ALPK3: variants seen among roughly 807,000 people sequenced by gnomAD.
ALPK3 encodes the protein alpha-protein kinase 3.
Under a neutral mutation model 140.0 loss-of-function variants are expected in ALPK3, and 102 were observed. That is an observed-to-expected ratio of 0.73 (90% CI 0.62 to 0.86). The LOEUF (loss-of-function observed/expected upper bound fraction) is 0.86, where lower values mean the gene tolerates loss of function less well. Ranked by LOEUF, ALPK3 falls within the 40% of genes least tolerant of loss-of-function variation. The pLI is 0.00. For missense variants in ALPK3, 2,254 were observed against 2,208.2 expected, an observed-to-expected ratio of 1.02 and a Z score of -0.42; for synonymous variants, 938 against 898.5, an observed-to-expected ratio of 1.04 and a Z score of -0.79.
rs1014308147 is a variant in ALPK3, at chr15:84,868,867, T to C, written c.*411T>C. 23 of 197,118 alleles carry C rather than the reference T, an allele frequency of 1.2e-4. No individual in the cohort carries two copies. The highest frequency in any genetic ancestry group is 2.0e-4 in the Non-Finnish European group (19 of 94,578). The allele number at this position is 197,118 out of a possible 1,614,324, so 12.2% of individuals were successfully genotyped here. ...GAGTGAGGACATGCAGGCCAACTTT[T>C]ACCCTCCTGCATTTGCCTGGCCCTG... is the stretch of plus-strand genomic sequence containing the variant. On this transcript the variant is annotated 3_prime_UTR_variant, in exon 14 of 14. Coordinates refer to ENST00000258888, the MANE Select transcript of ALPK3 (RefSeq NM_020778.5).
In ALPK3 at chr15:84,868,874, C is replaced by T. The variant is rs139683338; in HGVS notation, c.*418C>T. On this transcript the variant is annotated 3_prime_UTR_variant, in exon 14 of 14. Transcript: ENST00000258888. The stretch of plus-strand genomic sequence containing the variant: ...GACATGCAGGCCAACTTTTACCCTC[C>T]TGCATTTGCCTGGCCCTGATCTCGC... 2 of 195,574 alleles carry T rather than the reference C, an allele frequency of 1.0e-5. No homozygotes were observed. The highest frequency in any genetic ancestry group is 5.3e-5 in the Admixed American group (1 of 19,010). The allele number at this position is 195,574 out of a possible 1,614,324, so 12.1% of individuals were successfully genotyped here.
At chr15:84,847,830 A>C (rs895069270) in intron 5 of ALPK3, among the ~76,000 whole-genome samples, 7 of 152,182 alleles carry the variant, frequency 4.6e-5, no homozygotes, top group African/African-American at 1.7e-4. Flanking sequence ...AGGCTGAGGC[A>C]GGTGGATCAC....
At chr15:84,849,001 G>A (rs984828969) in intron 5 of ALPK3, among the ~76,000 whole-genome samples, 1 of 152,028 alleles carries the variant, frequency 6.6e-6, no homozygotes, top group Non-Finnish European at 1.5e-5. Context: ...AATTAGCCAG[G>A]CATGGTGGTG....
rs774100477 is a variant in ALPK3, at chr15:84,859,847, G to A, written c.4037G>A (p.Cys1346Tyr). Residue 1346 changes from cysteine (C) to tyrosine (Y), a missense_variant, in exon 8 of 14, where the codon TGC (cysteine) becomes TAC (tyrosine). This residue lies in a region of ALPK3 where 2,088 missense variants were observed against 2,022.9 expected (regional missense o/e 1.03). Coordinates refer to ENST00000258888, the MANE Select transcript of ALPK3 (RefSeq NM_020778.5). ...ASPVDCGVYR[C>Y]TIHNEHGSAS... is the part of the protein sequence containing the mutation. ...CCCGTAGACTGCGGTGTGTATCGGT[G>A]CACCATCCACAATGAGCACGGCTCG... 3.1e-6 allele frequency: 5 copies of A among 1,613,948 alleles called. No individual in the cohort carries two copies. Among genetic ancestry groups the A allele is most frequent in the Non-Finnish European group, 4.2e-6 (5 of 1,180,046 alleles).
In ALPK3 at chr15:84,817,571, T is replaced by C; in HGVS notation, c.119T>C (p.Leu40Pro). The change falls in exon 1 of 14, where the codon CTG becomes CCG. Residue 40 changes from leucine to proline, a missense_variant. By Grantham distance (98) the Leu-to-Pro change is moderately conservative. Coordinates refer to ENST00000258888, the MANE Select transcript of ALPK3 (RefSeq NM_020778.5). ...CCCAGCCCAGCCAGCCGGAGCTACCTGCTCAGCGTGCGGCCCGAGACCAGG... is the reference window on the plus strand; with the variant it reads ...CCCAGCCCAGCCAGCCGGAGCTACCCGCTCAGCGTGCGGCCCGAGACCAGG... ...WIPSPASRSY[L>P]LSVRPETSLS... The C allele has an allele frequency of 3.3e-6, 5 of 1,502,436 alleles. No homozygotes were observed. The South Asian group carries it at 6.1e-5, about 18-fold the overall frequency. The allele number at this position is 1,502,436 out of a possible 1,614,324, so 93.1% of individuals were successfully genotyped here.
At position 84,857,266 on chromosome 15, in the gene ALPK3, G is replaced by T; in HGVS notation, c.2528G>T (p.Arg843Leu). Residue 843 changes from arginine (R) to leucine (L), a missense_variant, in exon 6 of 14, where the codon CGG becomes CTG. Physicochemically the swap from Arg to Leu is moderately radical, Grantham distance 102 (BLOSUM62 -2). Around this residue, in one of 3 missense-constraint regions of ALPK3, gnomAD observed 2,088 missense variants for 2,022.9 expected, o/e 1.03. Coordinates refer to ENST00000258888, the MANE Select transcript of ALPK3 (RefSeq NM_020778.5). ...DSPFQCPKEE[R>L]PGGVPCMDQG... ...CCGTTCCAGTGCCCCAAGGAGGAGC[G>T]GCCAGGGGGAGTGCCGTGTATGGAT... 1.9e-6 allele frequency: 3 copies of T among 1,614,086 alleles called. No individual in the cohort carries two copies. Among genetic ancestry groups the T allele is most frequent in the Non-Finnish European group, 2.5e-6 (3 of 1,179,992 alleles).
intron 3 of ALPK3, among the ~76,000 whole-genome samples, chr15:84,833,196 T>C (rs1963562774): frequency 6.6e-6 from 1 of 152,236 alleles, no homozygotes; most frequent in Non-Finnish European, 1.5e-5. Flanking sequence ...TCTGTAAGGT[T>C]TCTGGGGCTC....
At chr15:84,862,601 C>T (rs1404095548) in intron 9 of ALPK3, 34 bp from the exon 10 acceptor site, 7 of 1,568,332 alleles carry the variant, frequency 4.5e-6, no homozygotes, top group Non-Finnish European at 6.1e-6. Flanking sequence ...GACAGGAGCT[C>T]CTGGTCTCCC....
intron 1 of ALPK3, among the ~76,000 whole-genome samples, chr15:84,822,380 T>C (rs1963437058): frequency 1.3e-5 from 2 of 152,072 alleles, no homozygotes; most frequent in Non-Finnish European, 2.9e-5. Flanking sequence ...GTGTTGTGGT[T>C]ATAAAGAGAT....
chr15:84,817,556 C>G lies in ALPK3; in HGVS notation c.104C>G (p.Ala35Gly). 1 of 1,502,674 alleles carries G rather than the reference C, an allele frequency of 6.7e-7. No individual in the cohort carries two copies. 93.1% of individuals were successfully genotyped at this position (1,502,674 alleles called of 1,614,324 possible). A position where few individuals can be genotyped will look rare whatever the true frequency, so the allele number is the denominator to read the frequency against. ...GGCCCCGTGTGGATCCCCAGCCCAG[C>G]CAGCCGGAGCTACCTGCTCAGCGTG... ...DDGPVWIPSP[A>G]SRSYLLSVRP... Residue 35 changes from alanine (A) to glycine (G), a missense_variant, in exon 1 of 14, where the codon GCC (alanine) becomes GGC (glycine). Transcript: ENST00000258888.
chr15:84,861,288 G>A (rs1963942946), intron 9 of ALPK3, among the ~76,000 whole-genome samples: 1 of 151,728 alleles, frequency 6.6e-6, no homozygotes, highest in Non-Finnish European at 1.5e-5. Flanking sequence ...TGTTGATTGT[G>A]TTCCCATTTA....
At chr15:84,843,476 G>A (rs1479133493) in intron 5 of ALPK3, among the ~76,000 whole-genome samples, 1 of 152,162 alleles carries the variant, frequency 6.6e-6, no homozygotes, top group Admixed American at 6.5e-5. Flanking sequence ...GGTCTCAAGA[G>A]TGGGAGCCCT....
intron 5 of ALPK3, among the ~76,000 whole-genome samples, chr15:84,853,966 T>G (rs975514487): frequency 2.6e-5 from 4 of 152,120 alleles, no homozygotes; most frequent in African/African-American, 9.7e-5. Flanking sequence ...CTGGCCAACA[T>G]GGCAAGACCC....
In ALPK3 at chr15:84,860,065, A is replaced by T. The variant is rs746367833; in HGVS notation, c.4122A>T (p.Glu1374Asp). ...TGTCAGGATTCATCTCCAGAGAAGA[A>T]GGTGAAGGTATGGTTCCCCCCTGGG... ...EVLSGFISRE[E>D]GEVGEEIEMT... Residue 1374 changes from glutamate (E) to aspartate (D), a missense_variant, in exon 9 of 14, where the codon GAA becomes GAT. Transcript: ENST00000258888. 6.2e-7 allele frequency: 1 copy of T among 1,614,144 alleles called. No homozygotes were observed. The highest frequency in any genetic ancestry group is 8.5e-7 in the Non-Finnish European group (1 of 1,180,008).
At chr15:84,822,965 C>T (rs1454037508) in intron 1 of ALPK3, among the ~76,000 whole-genome samples, 1 of 152,256 alleles carries the variant, frequency 6.6e-6, no homozygotes, top group Admixed American at 6.5e-5. Context: ...CAGGAGCTTG[C>T]CCCCAGGCTG....
intron 1 of ALPK3, among the ~76,000 whole-genome samples, chr15:84,820,042 G>A (rs2141543860): frequency 6.6e-6 from 1 of 152,338 alleles, no homozygotes; most frequent in East Asian, 1.9e-4. Flanking sequence ...CCAGCCCCCA[G>A]GTCACCCGGC....
chr15:84,865,410 C>T (rs1963991850), intron 12 of ALPK3, among the ~76,000 whole-genome samples: 1 of 152,016 alleles, frequency 6.6e-6, no homozygotes, highest in South Asian at 2.1e-4. Context: ...ATGTGTGTTT[C>T]ACTGGGGTTA....
chr15:84,856,372 T>A lies in ALPK3; in HGVS notation c.1654-20T>A. Reference sequence around the variant, plus strand: ...AATGTCCATGTAGTTAAATCCTTGCTTTTGTCCCTCTGTTTTCAGGTCCTG... The same window carrying A: ...AATGTCCATGTAGTTAAATCCTTGCATTTGTCCCTCTGTTTTCAGGTCCTG... On this transcript the variant is annotated intron_variant, in intron 5 of 13. Coordinates refer to ENST00000258888, the MANE Select transcript of ALPK3 (RefSeq NM_020778.5). 1.3e-6 allele frequency: 2 copies of A among 1,570,554 alleles called. No homozygotes were observed. Among genetic ancestry groups the A allele is most frequent in the Non-Finnish European group, 1.7e-6 (2 of 1,162,132 alleles).
At position 84,856,372 on chromosome 15, in the gene ALPK3, T is replaced by C; in HGVS notation, c.1654-20T>C. On this transcript the variant is annotated intron_variant, in intron 5 of 13. Transcript: ENST00000258888. ...AATGTCCATGTAGTTAAATCCTTGC[T>C]TTTGTCCCTCTGTTTTCAGGTCCTG... 1 of 1,570,554 alleles carries C rather than the reference T, an allele frequency of 6.4e-7. No individual in the cohort carries two copies. The highest frequency in any genetic ancestry group is 8.6e-7 in the Non-Finnish European group (1 of 1,162,132).
Sources: gnomAD v4.1 joint callset for allele counts (sites outside exome capture counted in the v4.1 genomes callset) on GRCh38, gnomAD v4.1.1 for gene constraint, gnomAD v4.1.1 regional missense constraint, MANE v1.5 for transcripts, NCBI Gene and HGNC (gene_info 2026-07-23, HGNC 2026-07-21) for gene names.